BTRC: variants seen among roughly 807,000 people sequenced by gnomAD.
BTRC encodes the protein F-box/WD repeat-containing protein 1A.
BTRC carries 42 observed loss-of-function variants against 85.5 expected under a neutral mutation model. The ratio of observed to expected loss-of-function variants is 0.49; its 90% CI spans 0.38 to 0.64. The LOEUF (loss-of-function observed/expected upper bound fraction) is 0.64, where lower values mean the gene tolerates loss of function less well. BTRC is among the 30% of genes least tolerant of loss of function. The pLI is 0.00. For synonymous variants in BTRC, 255 were observed against 263.3 expected (o/e 0.97, Z 0.30); for missense variants, 594 against 743.5 (o/e 0.80, Z 2.34).
chr10:101,486,952 CAT>C (rs1216013806), intron 4 of BTRC, among the ~76,000 whole-genome samples: 1 of 152,160 alleles, frequency 6.6e-6, no homozygotes, highest in Non-Finnish European at 1.5e-5. Context: ...CATTCTGAAA[CAT>C]ATTGTGAATA....
chr10:101,384,925 T>C (rs1943027257), intron 1 of BTRC, among the ~76,000 whole-genome samples: 1 of 152,128 alleles, frequency 6.6e-6, no homozygotes, highest in South Asian at 2.1e-4. Context: ...TTTTAAAAAC[T>C]TTTAAGATGA....
chr10:101,366,814 A>G (rs192461346), intron 1 of BTRC, among the ~76,000 whole-genome samples: 11,250 of 47,760 alleles, frequency 0.24, 3,446 homozygotes, highest in Non-Finnish European at 0.29. Context: ...ATATATTTAT[A>G]TATATTAATA....
chr10:101,469,626 C>G (rs1158381763), intron 3 of BTRC, among the ~76,000 whole-genome samples: 1 of 152,192 alleles, frequency 6.6e-6, no homozygotes, highest in Non-Finnish European at 1.5e-5. Context: ...TGGAAGTTTT[C>G]ATACAGTGAA....
chr10:101,548,606 G>C (rs1319805247), intron 13 of BTRC, among the ~76,000 whole-genome samples: 2 of 152,130 alleles, frequency 1.3e-5, no homozygotes. Flanking sequence ...CAAAAAATTA[G>C]CCAAGCATGG....
intron 1 of BTRC, among the ~76,000 whole-genome samples, chr10:101,370,070 G>A (rs1030852968): frequency 6.6e-6 from 1 of 152,086 alleles, no homozygotes; most frequent in Non-Finnish European, 1.5e-5. Flanking sequence ...CTCTGTGCAG[G>A]GCTGCCATGT....
intron 11 of BTRC, among the ~76,000 whole-genome samples, chr10:101,536,100 A>T (rs2062381090): frequency 6.6e-6 from 1 of 152,244 alleles, no homozygotes; most frequent in Non-Finnish European, 1.5e-5. Flanking sequence ...CTATTCTCTG[A>T]GAAGAGCTGT....
At chr10:101,423,394 A>G (rs1299790653) in intron 1 of BTRC, among the ~76,000 whole-genome samples, 2 of 152,226 alleles carry the variant, frequency 1.3e-5, no homozygotes, top group Non-Finnish European at 2.9e-5. Flanking sequence ...TGTTATACAT[A>G]TAGTAACAAG....
Position 101,450,116 on chromosome 10 carries a change from G to A in BTRC, c.157-11865G>A, listed in dbSNP as rs535198622. 9.3e-5 allele frequency among the ~76,000 whole-genome samples: 14 copies of A among 149,796 alleles called. No homozygotes were observed. The South Asian group carries it at 2.9e-3, about 32-fold the overall frequency. On this transcript the variant is annotated intron_variant, in intron 2 of 14. Coordinates refer to ENST00000370187, the MANE Select transcript of BTRC (RefSeq NM_033637.4). Reference sequence around the variant, plus strand: ...AAAGTTTAAATGGACTATTACTTCTGATGTGGAGCATATTAGCATAATTAC... The same window carrying A: ...AAAGTTTAAATGGACTATTACTTCTAATGTGGAGCATATTAGCATAATTAC...
intron 14 of BTRC, among the ~76,000 whole-genome samples, chr10:101,551,941 C>T (rs2062657439): frequency 6.6e-6 from 1 of 152,136 alleles, no homozygotes; most frequent in Non-Finnish European, 1.5e-5. Flanking sequence ...TAGTGCTTAG[C>T]ACAGTGGCGA....
At chr10:101,522,388 A>AAAC (rs2062126898) in intron 5 of BTRC, among the ~76,000 whole-genome samples, 1 of 136,162 alleles carries the variant, frequency 7.3e-6, no homozygotes, top group Non-Finnish European at 1.6e-5. Flanking sequence ...AAAAAAAAAA[A>AAAC]AACTCTAGAA....
chr10:101,482,779 T>G (rs1945875056), intron 4 of BTRC, among the ~76,000 whole-genome samples: 2 of 152,190 alleles, frequency 1.3e-5, no homozygotes, highest in South Asian at 4.1e-4. Flanking sequence ...TTGTCCCTAT[T>G]TCCTGTTCTT....
intron 6 of BTRC, 103 bp downstream of exon 6, chr10:101,526,302 A>G (rs920046547): frequency 6.9e-6 from 7 of 1,010,902 alleles, no homozygotes; most frequent in East Asian, 2.5e-5. Flanking sequence ...CTCATTTAAT[A>G]TGGTGATTTT....
At chr10:101,366,976 T>TTATA (rs1281509614) in intron 1 of BTRC, among the ~76,000 whole-genome samples, 2 of 58,806 alleles carry the variant, frequency 3.4e-5, no homozygotes, top group African/African-American at 6.1e-5. Context: ...AAATATATAT[T>TTATA]TATATATTTA....
chr10:101,494,880 A>G (rs1946221547), intron 4 of BTRC, among the ~76,000 whole-genome samples: 1 of 152,212 alleles, frequency 6.6e-6, no homozygotes, highest in South Asian at 2.1e-4. Context: ...TGTGAAATAG[A>G]CATTGTTGTG....
chr10:101,385,183 G>A (rs1366539603), intron 1 of BTRC, among the ~76,000 whole-genome samples: 1 of 150,794 alleles, frequency 6.6e-6, no homozygotes, highest in Admixed American at 6.7e-5. Context: ...GGGACACAGA[G>A]TGAGATCCTG....
intron 4 of BTRC, among the ~76,000 whole-genome samples, chr10:101,496,470 C>T (rs1051372755): frequency 1.3e-5 from 2 of 152,184 alleles, no homozygotes; most frequent in African/African-American, 4.8e-5. Flanking sequence ...GTCTGGAGTG[C>T]ATCAGCGCAA....
intron 1 of BTRC, among the ~76,000 whole-genome samples, chr10:101,398,575 TTA>T (rs1161812796): frequency 6.6e-6 from 1 of 152,212 alleles, no homozygotes; most frequent in African/African-American, 2.4e-5. Context: ...AGTGCTGGGA[TTA>T]TAGGCATGAG....
At chr10:101,491,555 G>T (rs2134260849) in intron 4 of BTRC, among the ~76,000 whole-genome samples, 1 of 152,162 alleles carries the variant, frequency 6.6e-6, no homozygotes, top group East Asian at 1.9e-4. Context: ...AAATTAGCTG[G>T]GTGTGGTGGC....
At chr10:101,551,523 T>C (rs544471206) in intron 14 of BTRC, among the ~76,000 whole-genome samples, 158 of 152,344 alleles carry the variant, frequency 1.0e-3, no homozygotes, top group Non-Finnish European at 1.8e-3. Flanking sequence ...AGGTGGTCCA[T>C]ACATATTGTG....
Sources: allele counts gnomAD v4.1 joint callset (sites outside exome capture counted in the v4.1 genomes callset), GRCh38; gene constraint gnomAD v4.1.1; transcripts MANE v1.5; gene names NCBI Gene and HGNC (gene_info 2026-07-23, HGNC 2026-07-21).